The following URI1 variants were observed in gnomAD, a reference collection of about 807,000 sequenced individuals.
URI1 encodes the protein URI1 prefoldin like chaperone.
A neutral mutation model predicts 60.2 loss-of-function variants in URI1; 39 were observed. The ratio of observed to expected loss-of-function variants is 0.65; its 90% CI spans 0.50 to 0.85. URI1 has a LOEUF of 0.85. URI1 is among the 40% of genes least tolerant of loss of function. The pLI, the probability that URI1 is intolerant of heterozygous loss-of-function variation, is 0.00. For synonymous variants in URI1, 251 were observed against 236.8 expected (o/e 1.06, Z -0.55); for missense variants, 691 against 665.9 (o/e 1.04, Z -0.42).
intron 1 of URI1, among the ~76,000 whole-genome samples, chr19:29,949,264 C>G (rs1167439009): frequency 6.6e-6 from 1 of 151,834 alleles, no homozygotes; most frequent in African/African-American, 2.4e-5. Flanking sequence ...CTCCTCATCT[C>G]CCAGACGGGG....
At chr19:29,940,635 GAA>G (rs1185517380), upstream of URI1, among the ~76,000 whole-genome samples, 1 of 147,574 alleles carries the variant, frequency 6.8e-6, no homozygotes, top group South Asian at 2.1e-4. Context: ...GGCAACAGAG[GAA>G]AAAAAAAAGA....
intron 4 of URI1, among the ~76,000 whole-genome samples, chr19:29,995,701 A>G (rs2055803818): frequency 6.6e-6 from 1 of 151,084 alleles, no homozygotes; most frequent in African/African-American, 2.4e-5. Flanking sequence ...ATTGTTGCCA[A>G]ATGTCATGAA....
intron 4 of URI1, among the ~76,000 whole-genome samples, chr19:29,993,693 A>G (rs901339294): frequency 2.6e-5 from 4 of 152,186 alleles, no homozygotes; most frequent in East Asian, 1.9e-4. Flanking sequence ...AGTAGGTTAT[A>G]TATGGACATG....
rs558313153 is a variant in URI1 at position 29,982,966 on chromosome 19, G to T, written c.153-2257G>T. On this transcript the variant is annotated intron_variant, in intron 2 of 10. Transcript: ENST00000392271. ...AGACTAAGGTGAATTTGTGTAAATT[G>T]CATGTAGAGCTTGGGATTCACTCTC... Among the ~76,000 whole-genome samples, 243 of 152,266 alleles carry T rather than the reference G, an allele frequency of 1.6e-3. 1 individual carries two copies. Among genetic ancestry groups the T allele is most frequent in the African/African-American group, 5.5e-3 (229 of 41,560 alleles).
intron 1 of URI1, among the ~76,000 whole-genome samples, chr19:29,958,349 C>CG (rs1422145312): frequency 6.6e-6 from 1 of 152,032 alleles, no homozygotes; most frequent in Non-Finnish European, 1.5e-5. Flanking sequence ...TACAGATGTT[C>CG]GTAGTTGGCT....
upstream of URI1, chr19:29,937,597 C>T (rs1157097997): frequency 2.0e-5 from 3 of 152,150 alleles, no homozygotes; most frequent in African/African-American, 7.2e-5. Context: ...GTGTGTAGTC[C>T]TTATTGCATG....
chr19:29,945,643 A>G (rs1033277819), intron 1 of URI1, among the ~76,000 whole-genome samples: 1 of 152,238 alleles, frequency 6.6e-6, no homozygotes, highest in African/African-American at 2.4e-5. Flanking sequence ...CATTCCCTGC[A>G]GCTTTGTTTA....
At chr19:29,931,134 T>A (rs550968880) in intron 1 of URI1, among the ~76,000 whole-genome samples, 1 of 152,300 alleles carries the variant, frequency 6.6e-6, no homozygotes, top group South Asian at 2.1e-4. Context: ...ATACAAATTT[T>A]AGGACCAGTT....
intron 2 of URI1, among the ~76,000 whole-genome samples, chr19:29,973,128 G>A (rs1244640555): frequency 2.0e-5 from 3 of 152,078 alleles, no homozygotes; most frequent in Non-Finnish European, 4.4e-5. Context: ...GGAAATTGCT[G>A]TTTGGGAGAG....
intron 1 of URI1, among the ~76,000 whole-genome samples, chr19:29,948,559 G>T (rs527466329): frequency 1.4e-4 from 21 of 146,534 alleles, no homozygotes; most frequent in African/African-American, 5.7e-4. Context: ...ACTTTTTTTT[G>T]CCTTCAAGCA....
At position 30,015,771 on chromosome 19, in the gene URI1, C is replaced by A; in HGVS notation, c.*702C>A. 1 of 542,056 alleles carries A rather than the reference C, an allele frequency of 1.8e-6. No individual in the cohort carries two copies. The highest frequency in any genetic ancestry group is 3.2e-6 in the Non-Finnish European group (1 of 311,510). The allele number at this position is 542,056 out of a possible 1,614,324, so 33.6% of individuals were successfully genotyped here. A position where few individuals can be genotyped will look rare whatever the true frequency, so the allele number is the denominator to read the frequency against. Reference sequence around the variant, plus strand: ...ATGTCCTTGATTCATATGTATGCTACATGTATCACACAACAGATCTGGAAT... The same window carrying A: ...ATGTCCTTGATTCATATGTATGCTAAATGTATCACACAACAGATCTGGAAT... On this transcript the variant is annotated 3_prime_UTR_variant, in exon 11 of 11. Coordinates refer to ENST00000392271, the MANE Select transcript of URI1 (RefSeq NM_003796.3).
intron 2 of URI1, among the ~76,000 whole-genome samples, chr19:29,984,489 C>T (rs775029523): frequency 1.3e-5 from 2 of 152,030 alleles, no homozygotes; most frequent in Non-Finnish European, 2.9e-5. Context: ...AATATCAGGC[C>T]CTCTTTTACT....
intron 1 of URI1, among the ~76,000 whole-genome samples, chr19:29,953,843 A>G (rs1180899669): frequency 6.6e-6 from 1 of 152,144 alleles, no homozygotes; most frequent in Non-Finnish European, 1.5e-5. Flanking sequence ...TGGTAATTGC[A>G]GAATAAAATG....
chr19:29,942,193 G>C (rs2055033922), upstream of URI1: 13 of 982,954 alleles, frequency 1.3e-5, no homozygotes, highest in Admixed American at 6.2e-5. Context: ...GCGTGTCGGG[G>C]GCGGGGCCTG....
At chr19:29,956,404 C>G (rs1163051510) in intron 1 of URI1, 3 of 1,476,614 alleles carry the variant, frequency 2.0e-6, no homozygotes, top group African/African-American at 2.8e-5. Context: ...CTGGATAACT[C>G]TTAGATCTGA....
At chr19:29,934,204 A>G (rs933647197) in intron 1 of URI1, among the ~76,000 whole-genome samples, 4 of 151,896 alleles carry the variant, frequency 2.6e-5, no homozygotes, top group African/African-American at 9.7e-5. Flanking sequence ...ACAAATTGCT[A>G]GGATTACAGG....
In URI1 at chr19:29,942,342, G is replaced by A. The variant is rs1224898233; in HGVS notation, c.-206G>A. The A allele has an allele frequency of 2.0e-6, 2 of 984,848 alleles. No individual in the cohort carries two copies. Among genetic ancestry groups the A allele is most frequent in the Non-Finnish European group, 2.4e-6 (2 of 829,596 alleles). 61.0% of individuals were successfully genotyped at this position (984,848 alleles called of 1,614,324 possible). ...TGCTACTCGGAGCCCGCTGCGGGGC[G>A]GCGGCGGCGGGGACATGCACGTGTG... On this transcript the variant is annotated 5_prime_UTR_variant, in exon 1 of 11. Transcript: ENST00000392271.
intron 1 of URI1, among the ~76,000 whole-genome samples, chr19:29,953,616 G>C (rs1258277743): frequency 6.6e-6 from 1 of 152,060 alleles, no homozygotes; most frequent in African/African-American, 2.4e-5. Context: ...ACAATGGAAG[G>C]ATGATATTTT....
chr19:29,947,984 A>G (rs1403808528), intron 1 of URI1, among the ~76,000 whole-genome samples: 1 of 152,146 alleles, frequency 6.6e-6, no homozygotes, highest in Non-Finnish European at 1.5e-5. Flanking sequence ...GTCAGGTTTC[A>G]TTTTTACTGT....
Sources: gnomAD v4.1 joint callset for allele counts (sites outside exome capture counted in the v4.1 genomes callset) on GRCh38, gnomAD v4.1.1 for gene constraint, MANE v1.5 for transcripts, NCBI Gene and HGNC (gene_info 2026-07-23, HGNC 2026-07-21) for gene names.